Variants in IGF1R observed in about 807,000 individuals in gnomAD.
IGF1R encodes insulin like growth factor 1 receptor.
A neutral mutation model predicts 144.6 loss-of-function variants in IGF1R; 44 were observed. The observed-to-expected ratio is 0.30, with a 90% CI of 0.24 to 0.39. IGF1R has a LOEUF of 0.39. Ranked by LOEUF, IGF1R falls within the 10% of genes least tolerant of loss-of-function variation. IGF1R has a pLI of 1.00. For synonymous variants in IGF1R, 795 were observed against 722.8 expected (o/e 1.10, Z -1.60); for missense variants, 1,355 against 1,833.7 (o/e 0.74, Z 4.77).
At chr15:98,938,963 G>A (rs1596472482) in intron 17 of IGF1R, among the ~76,000 whole-genome samples, 1 of 152,290 alleles carries the variant, frequency 6.6e-6, no homozygotes, top group Admixed American at 6.5e-5. Context: ...AGTGCAAATT[G>A]GTGTTTCCCT....
intron 2 of IGF1R, among the ~76,000 whole-genome samples, chr15:98,835,348 C>T (rs1415518618): frequency 6.6e-6 from 1 of 152,062 alleles, no homozygotes; most frequent in Admixed American, 6.5e-5. Context: ...ACCATTCACC[C>T]CTACCAGCGA....
At position 98,949,506 on chromosome 15, in the gene IGF1R, ATAGC is replaced by A. The variant is rs745519115; in HGVS notation, c.3722+802_3722+805del. 3.1e-4 allele frequency among the ~76,000 whole-genome samples: 47 copies of A among 151,630 alleles called. 1 individual carries two copies. The highest frequency in any genetic ancestry group is 6.8e-3 in the Middle Eastern group (2 of 294). On this transcript the variant is annotated intron_variant, in intron 20 of 20. Coordinates refer to ENST00000650285, the MANE Select transcript of IGF1R (RefSeq NM_000875.5). ...CAATTCTCCTGCCTCACCCTCCAAA[ATAGC>A]TAGGATTACAGGCACCCACCACCAC... is the stretch of plus-strand genomic sequence containing the variant.
chr15:98,949,735 A>T (rs188317374), intron 20 of IGF1R, among the ~76,000 whole-genome samples: 13 of 152,290 alleles, frequency 8.5e-5, no homozygotes, highest in Non-Finnish European at 1.3e-4. Context: ...ATGACGAGAG[A>T]GAGTTTGTGA....
rs1045530966 is a variant in IGF1R, at chr15:98,963,859, C to G, written c.*6417C>G. ...GGTTTTAAAGTTGACTCCACTTCCT[C>G]TAACTCCAGTGGATTGTTGGCCATG... On this transcript the variant is annotated 3_prime_UTR_variant, in exon 21 of 21. Coordinates refer to ENST00000650285, the MANE Select transcript of IGF1R (RefSeq NM_000875.5). 4.3e-6 allele frequency: 1 copy of G among 233,008 alleles called. No homozygotes were observed. Among genetic ancestry groups the G allele is most frequent in the South Asian group, 1.8e-4 (1 of 5,530 alleles). 14.4% of individuals were successfully genotyped at this position (233,008 alleles called of 1,614,324 possible). A position where few individuals can be genotyped will look rare whatever the true frequency, so the allele number is the denominator to read the frequency against.
At chr15:98,765,104 T>C (rs779737190) in intron 2 of IGF1R, among the ~76,000 whole-genome samples, 1 of 152,160 alleles carries the variant, frequency 6.6e-6, no homozygotes. Flanking sequence ...CTTAGCATAA[T>C]ATTTTTAAGG....
chr15:98,665,763 T>A (rs2052721439), intron 1 of IGF1R, among the ~76,000 whole-genome samples: 1 of 152,196 alleles, frequency 6.6e-6, no homozygotes, highest in Non-Finnish European at 1.5e-5. Context: ...AGGAGAAGGC[T>A]TCAGTCAGGT....
At chr15:98,923,770 A>T in intron 11 of IGF1R, 106 bp from the exon 12 acceptor site, 1 of 920,458 alleles carries the variant, frequency 1.1e-6, no homozygotes, top group Non-Finnish European at 1.8e-6. Context: ...GCTGATCTCC[A>T]CTGTCCTGCC....
At chr15:98,932,341 C>T (rs916793340) in intron 15 of IGF1R, among the ~76,000 whole-genome samples, 1 of 152,174 alleles carries the variant, frequency 6.6e-6, no homozygotes, top group Non-Finnish European at 1.5e-5. Flanking sequence ...GCTTTAAAAA[C>T]TTCTTTTTCC....
chr15:98,891,582 G>A lies in IGF1R; in HGVS notation c.898G>A (p.Asp300Asn), dbSNP rs745984927. The change falls in exon 3 of 21, where the codon GAC (aspartate) becomes AAC (asparagine). Residue 300 changes from aspartate (D) to asparagine (N), a missense_variant. Coordinates refer to ENST00000650285, the MANE Select transcript of IGF1R (RefSeq NM_000875.5). This position sits in a 1 kb window ranked among gnomAD's most constrained non-coding sequence, Gnocchi z 4.7. Reference sequence around the variant, plus strand: ...CGACTCCGAGGGGTTTGTGATCCACGACGGCGAGTGCATGCAGGAGTGCCC... The same window carrying A: ...CGACTCCGAGGGGTTTGTGATCCACAACGGCGAGTGCATGCAGGAGTGCCC... ...SSDSEGFVIH[D>N]GECMQECPSG... 18 of 1,605,636 alleles carry A rather than the reference G, an allele frequency of 1.1e-5. No homozygotes were observed. Among genetic ancestry groups the A allele is most frequent in the East Asian group, 2.2e-5 (1 of 44,876 alleles).
Position 98,891,665 on chromosome 15 carries a change from T to A in IGF1R, c.953+28T>A. 1 of 1,590,844 alleles carries A rather than the reference T, an allele frequency of 6.3e-7. No individual in the cohort carries two copies. The highest frequency in any genetic ancestry group is 8.5e-7 in the Non-Finnish European group (1 of 1,173,688). On this transcript the variant is annotated intron_variant, in intron 3 of 20. Coordinates refer to ENST00000650285, the MANE Select transcript of IGF1R (RefSeq NM_000875.5). The surrounding 1 kb of genome is among the most constrained non-coding windows in gnomAD (Gnocchi z 4.7). ...CAGTCGCGGCCACACGTGTGGTCAC[T>A]ACCCGCCCCACCTCACCCGCCACCC...
Position 98,674,202 on chromosome 15 carries a change from C to T in IGF1R, c.94+24527C>T, listed in dbSNP as rs80036240. On this transcript the variant is annotated intron_variant, in intron 1 of 20. Transcript: ENST00000650285. ...TGAAACAGGATTTGTTATCACATCACGGTTAGACATACCCAAAAGGCAAAA... is the reference window on the plus strand; with the variant it reads ...TGAAACAGGATTTGTTATCACATCATGGTTAGACATACCCAAAAGGCAAAA... 2.3e-3 allele frequency among the ~76,000 whole-genome samples: 347 copies of T among 152,276 alleles called. 2 individuals are homozygous for T. Among genetic ancestry groups the T allele is most frequent in the African/African-American group, 8.0e-3 (333 of 41,548 alleles).
At chr15:98,669,883 T>G (rs997565279) in intron 1 of IGF1R, among the ~76,000 whole-genome samples, 6 of 152,160 alleles carry the variant, frequency 3.9e-5, no homozygotes, top group Non-Finnish European at 8.8e-5. Flanking sequence ...AGTGCACTGA[T>G]AAGAGCATGG....
chr15:98,697,799 G>A (rs938668752), intron 1 of IGF1R, among the ~76,000 whole-genome samples: 9 of 152,118 alleles, frequency 5.9e-5, no homozygotes, highest in Non-Finnish European at 7.4e-5. Context: ...GTGCGGTGGC[G>A]CGATCTCTGC....
rs536921154 is a variant in IGF1R at position 98,800,727 on chromosome 15, A to G, written c.641-90598A>G. Among the ~76,000 whole-genome samples, 315 of 152,274 alleles carry G rather than the reference A, an allele frequency of 2.1e-3. 2 individuals carry two copies. The highest frequency in any genetic ancestry group is 3.2e-3 in the African/African-American group (131 of 41,558). On this transcript the variant is annotated intron_variant, in intron 2 of 20. Coordinates refer to ENST00000650285, the MANE Select transcript of IGF1R (RefSeq NM_000875.5). ...GGTATCTGAGCGATTGTCTGTTTCA[A>G]TTGTTTCCCTCTGTCTTGGAAAACA...
At chr15:98,710,172 C>T (rs2053959606) in intron 2 of IGF1R, among the ~76,000 whole-genome samples, 1 of 152,164 alleles carries the variant, frequency 6.6e-6, no homozygotes, top group Non-Finnish European at 1.5e-5. Flanking sequence ...TTGATATCAC[C>T]TGTTGGTTGG....
chr15:98,654,252 C>T (rs139547724), intron 1 of IGF1R, among the ~76,000 whole-genome samples: 2 of 152,282 alleles, frequency 1.3e-5, no homozygotes, highest in Non-Finnish European at 1.5e-5. Flanking sequence ...GTTAACCCAT[C>T]TTGACTGGCG....
chr15:98,677,464 G>A (rs1339963661), intron 1 of IGF1R, among the ~76,000 whole-genome samples: 1 of 152,176 alleles, frequency 6.6e-6, no homozygotes, highest in Non-Finnish European at 1.5e-5. Flanking sequence ...TCAGTTGTGT[G>A]TCACTTAGGA....
Position 98,959,036 on chromosome 15 carries a change from C to CA in IGF1R, c.*1595dup, listed in dbSNP as rs1185476270. 4.3e-6 allele frequency: 1 copy of CA among 233,230 alleles called. No individual in the cohort carries two copies. Among genetic ancestry groups the CA allele is most frequent in the Non-Finnish European group, 8.5e-6 (1 of 118,058 alleles). The allele number at this position is 233,230 out of a possible 1,614,324, so 14.4% of individuals were successfully genotyped here. ...CGCGCTCCTCTCCCCAGCCTGCCCT[C>CA]ACAGCATTGGAGCCTGTTACAGTGC... On this transcript the variant is annotated 3_prime_UTR_variant, in exon 21 of 21. Coordinates refer to ENST00000650285, the MANE Select transcript of IGF1R (RefSeq NM_000875.5).
rs1308262275 is a variant in IGF1R, at chr15:98,959,157, CCT to C, written c.*1720_*1721del. On this transcript the variant is annotated 3_prime_UTR_variant, in exon 21 of 21. Coordinates refer to ENST00000650285, the MANE Select transcript of IGF1R (RefSeq NM_000875.5). ...ACTCACCGTGGTTGAGAAGCCTCAC[CCT>C]CTCTTTCCCTTGCCTTTGCTTAGGT... 11 of 233,444 alleles carry C rather than the reference CCT, an allele frequency of 4.7e-5. No individual in the cohort carries two copies. The South Asian group carries it at 7.2e-4, about 15-fold the overall frequency. The allele number at this position is 233,444 out of a possible 1,614,324, so 14.5% of individuals were successfully genotyped here.
Sources: gnomAD v4.1 joint callset for allele counts (sites outside exome capture counted in the v4.1 genomes callset) on GRCh38, gnomAD v4.1.1 for gene constraint, Gnocchi (gnomAD v3.1) non-coding constraint, MANE v1.5 for transcripts, NCBI Gene and HGNC (gene_info 2026-07-23, HGNC 2026-07-21) for gene names.